MED12: variants seen among roughly 807,000 people sequenced by gnomAD.
The protein encoded by MED12 is mediator complex subunit 12, also known as mediator of RNA polymerase II transcription subunit 12.
A neutral mutation model predicts 177.7 loss-of-function variants in MED12; 10 were observed. The observed-to-expected ratio is 0.06, with a 90% CI of 0.03 to 0.10. The LOEUF (loss-of-function observed/expected upper bound fraction) is 0.10, where lower values mean the gene tolerates loss of function less well. MED12 is among the 10% of genes least tolerant of loss of function. The probability of loss-of-function intolerance (pLI) is 1.00; values close to 1 mark genes in which losing one functional copy is unlikely to be tolerated. For missense variants in MED12, 867 were observed against 1,780.8 expected (o/e 0.49, Z 9.23); for synonymous variants, 641 against 678.4 (o/e 0.94, Z 0.86).
chrX:71,118,972 G>A, intron 1 of MED12, 119 bp downstream of exon 1: 1 of 576,507 alleles, frequency 1.7e-6, no homozygotes, highest in Admixed American at 3.1e-5. Flanking sequence ...TCCCGAAAGG[G>A]GGAAGAGTAA....
At chrX:71,125,800 G>A in intron 17 of MED12, 87 bp downstream of exon 17, 3 of 857,306 alleles carry the variant, frequency 3.5e-6, no homozygotes, top group East Asian at 3.2e-5. Context: ...TTCCTTTAAG[G>A]TCCACATAGT....
Position 71,125,655 on chromosome X carries a change from C to T in MED12, c.2372-8C>T, listed in dbSNP as rs1464348698. On this transcript the variant is annotated splice_polypyrimidine_tract_variant and splice_region_variant and intron_variant, in intron 16 of 44. Transcript: ENST00000374080. ...TGAAACTTCCCCCCTCATTCCCCCC[C>T]TCTACAGACCAGCTTGCTCCTATTG... The T allele has an allele frequency of 8.9e-6, 8 of 898,033 alleles. No homozygotes were observed. Among genetic ancestry groups the T allele is most frequent in the Non-Finnish European group, 1.2e-5 (8 of 655,219 alleles). 74.0% of individuals were successfully genotyped at this position (898,033 alleles called of 1,213,427 possible).
Position 71,118,613 on chromosome X carries a change from G to A in MED12, c.-142G>A, listed in dbSNP as rs2092280808. On this transcript the variant is annotated 5_prime_UTR_variant, in exon 1 of 45. Transcript: ENST00000374080. ...CCCTCGGTAGTTTCCGGCAATGGTCGAGAGTTTCTAACGTGCCCCCTTGTT... is the reference window on the plus strand; with the variant it reads ...CCCTCGGTAGTTTCCGGCAATGGTCAAGAGTTTCTAACGTGCCCCCTTGTT... 1.9e-6 allele frequency: 1 copy of A among 535,616 alleles called. No homozygotes were observed. Among genetic ancestry groups the A allele is most frequent in the South Asian group, 2.5e-5 (1 of 39,402 alleles). 44.1% of individuals were successfully genotyped at this position (535,616 alleles called of 1,213,427 possible).
chrX:71,128,490 G>C, intron 23 of MED12, 50 bp downstream of exon 23: 2 of 1,209,376 alleles, frequency 1.7e-6, no homozygotes, highest in Non-Finnish European at 2.2e-6. Flanking sequence ...CAGGGCAGGG[G>C]GCTGGTTGTG....
rs2147802207 is a variant in MED12, at chrX:71,128,346, C to T, written c.3260C>T (p.Ser1087Leu). The T allele has an allele frequency of 4.1e-6, 5 of 1,211,723 alleles. No homozygotes were observed. The highest frequency in any genetic ancestry group is 4.5e-6 in the Non-Finnish European group (4 of 895,423). Residue 1087 changes from serine to leucine, a missense_variant, in exon 23 of 45, where the codon TCA becomes TTA. Ser to Leu is a moderately radical substitution (Grantham distance 145). Transcript: ENST00000374080. ...GCAGAGCTGACCGGCTATTGCAAGT[C>T]ACTGAGTGCAGAATGGCTAGGAGTG... is the stretch of plus-strand genomic sequence containing the variant. ...LCAELTGYCK[S>L]LSAEWLGVLK...
chrX:71,124,429 A>G (rs1339705683), intron 13 of MED12, 41 bp downstream of exon 13: 3 of 1,052,706 alleles, frequency 2.8e-6, no homozygotes, highest in South Asian at 2.0e-5. Context: ...TTCTTCTGAC[A>G]TTTCCATCTT....
chrX:71,128,834 C>A, intron 24 of MED12, 116 bp downstream of exon 24: 1 of 909,824 alleles, frequency 1.1e-6, no homozygotes, highest in Non-Finnish European at 1.6e-6. Context: ...CCTGGCCTTC[C>A]TCAGAAGGCC....
chrX:71,135,088 G>A lies in MED12; in HGVS notation c.4864-4G>A. 1 of 1,211,367 alleles carries A rather than the reference G, an allele frequency of 8.3e-7. No individual in the cohort carries two copies. The highest frequency in any genetic ancestry group is 1.1e-6 in the Non-Finnish European group (1 of 895,402). On this transcript the variant is annotated splice_polypyrimidine_tract_variant and splice_region_variant and intron_variant, in intron 35 of 44. Transcript: ENST00000374080. ...ACTCTTGTCCCATCTTCCTGTGCCT[G>A]CAGAAGGAGTTGGGGGAGCGCCAGT... is the stretch of plus-strand genomic sequence containing the variant.
In MED12 at chrX:71,134,761, G is replaced by A. The variant is rs1451354253; in HGVS notation, c.4776G>A (p.Gly1592=). ...VLDMLSVLIN[G]TLAADMSSIS... ...ACATGCTGAGCGTGCTCATCAATGG[G>A]ACATTGGCTGCAGACATGTCTAGCA... The change falls in exon 35 of 45, where the codon GGG becomes GGA. Residue 1592 remains glycine (G), a synonymous_variant. Transcript: ENST00000374080. 5.0e-6 allele frequency: 6 copies of A among 1,211,223 alleles called. No homozygotes were observed. The East Asian group carries it at 1.8e-4, about 36-fold the overall frequency.
At chrX:71,129,061 C>A in intron 24 of MED12, 53 bp from the exon 25 acceptor site, 1 of 1,009,943 alleles carries the variant, frequency 9.9e-7, no homozygotes, top group Non-Finnish European at 1.4e-6. Flanking sequence ...CACACATAAA[C>A]CCACATACAG....
In MED12 at chrX:71,121,441, A is replaced by AG. The variant is rs1484431357; in HGVS notation, c.846+6dup. 6.6e-6 allele frequency: 8 copies of AG among 1,208,711 alleles called. No homozygotes were observed. The East Asian group carries it at 2.4e-4, about 36-fold the overall frequency. ...GCTGCTGCCTCTGCTTCTCCGAGTA[A>AG]GGCTTGGAATTTTGGTACTGGTGGG... On this transcript the variant is annotated splice_donor_region_variant and intron_variant, in intron 6 of 44. Transcript: ENST00000374080.
chrX:71,136,806 C>T (rs2147827592), intron 37 of MED12, 73 bp from the exon 38 acceptor site: 1 of 1,196,177 alleles, frequency 8.4e-7, no homozygotes, highest in Non-Finnish European at 1.1e-6. Context: ...CTCCTCTTTA[C>T]CTCATTCTCC....
Position 71,133,215 on chromosome X carries a change from G to A in MED12, c.4617+3G>A, listed in dbSNP as rs748647968. The A allele has an allele frequency of 7.7e-6, 9 of 1,174,899 alleles. No individual in the cohort carries two copies. The highest frequency in any genetic ancestry group is 1.0e-5 in the Non-Finnish European group (9 of 862,021). ...CACTCAAACTGCGGCTCAACCTGGT[G>A]AGAAGGCCAGCTGGGGAGAAGAAGG... is the stretch of plus-strand genomic sequence containing the variant. On this transcript the variant is annotated splice_donor_region_variant and intron_variant, in intron 33 of 44. Coordinates refer to ENST00000374080, the MANE Select transcript of MED12 (RefSeq NM_005120.3).
In MED12 at chrX:71,125,057, C is replaced by T. The variant is rs772484830; in HGVS notation, c.2137C>T (p.Pro713Ser). 4 of 1,210,894 alleles carry T rather than the reference C, an allele frequency of 3.3e-6. No homozygotes were observed. Among genetic ancestry groups the T allele is most frequent in the Admixed American group, 4.4e-5 (2 of 45,925 alleles). Residue 713 changes from proline (P) to serine (S), a missense_variant, in exon 15 of 45, where the codon CCA becomes TCA. Physicochemically the swap from Pro to Ser is moderately conservative, Grantham distance 74. This residue lies in a region of MED12 where 309 missense variants were observed against 556.3 expected (regional missense o/e 0.56). Coordinates refer to ENST00000374080, the MANE Select transcript of MED12 (RefSeq NM_005120.3). ...KPDVEKEVKP[P>S]PKEKIEGTLG... ...AGATGTCGAGAAGGAGGTGAAGCCC[C>T]CACCCAAGGAGAAGATTGAAGGGAC... is the stretch of plus-strand genomic sequence containing the variant.
intron 41 of MED12, among the ~76,000 whole-genome samples, chrX:71,139,217 T>C (rs1200882627): frequency 8.9e-6 from 1 of 111,914 alleles, no homozygotes; most frequent in African/African-American, 3.3e-5. Flanking sequence ...CGTGGTAATA[T>C]CTGTGGGCCT....
intron 7 of MED12, 104 bp from the exon 8 acceptor site, chrX:71,122,096 T>A (rs971842480): frequency 9.5e-7 from 1 of 1,055,838 alleles, no homozygotes; most frequent in African/African-American, 1.8e-5. Flanking sequence ...GGGGACCCAG[T>A]CAGAATAACT....
In MED12 at chrX:71,137,402, G is replaced by A; in HGVS notation, c.5748+19G>A. ...GCTCCAGGCAAAGATAGTGAGAGGG[G>A]CAGTAGGGAGGGCTGTCAGGGAGAG... On this transcript the variant is annotated intron_variant, in intron 39 of 44. Transcript: ENST00000374080. The A allele has an allele frequency of 2.5e-6, 3 of 1,207,435 alleles. 1 individual carries two copies. The Middle Eastern group carries it at 6.9e-4, about 278-fold the overall frequency.
Position 71,120,160 on chromosome X carries a change from C to T in MED12, c.543C>T (p.Asp181=), listed in dbSNP as rs901231883. The T allele has an allele frequency of 7.4e-6, 9 of 1,208,763 alleles. No individual in the cohort carries two copies. The African/African-American group carries it at 1.2e-4, about 17-fold the overall frequency. ...CCAAGGTTAAGAAGAGACATGTTGA[C>T]CCTTTCATGGGTGAGTAACTCCTAA... ...SETKVKKRHV[D]PFMEWTQIIT... The change falls in exon 4 of 45, where the codon GAC becomes GAT. Residue 181 remains aspartate, a synonymous_variant. Transcript: ENST00000374080.
chrX:71,141,227 TAGCAGC>T lies in MED12; in HGVS notation c.6273_6278del (p.Gln2114_Gln2115del), dbSNP rs748394417. 5 of 1,154,271 alleles carry T rather than the reference TAGCAGC, an allele frequency of 4.3e-6. No homozygotes were observed. Among genetic ancestry groups the T allele is most frequent in the South Asian group, 3.8e-5 (2 of 52,245 alleles). ...TTCTGAAGTATCTTTTGTGTTCTTA[TAGCAGC>T]AGCAGCAACAGCAACAGCAGCAGCA... On this transcript the variant is annotated splice_acceptor_variant and coding_sequence_variant, in exon 43 of 45. Transcript: ENST00000374080. LOFTEE classifies it high-confidence loss of function.
Sources: allele counts gnomAD v4.1 joint callset (sites outside exome capture counted in the v4.1 genomes callset), GRCh38; gene constraint gnomAD v4.1.1; regional missense constraint gnomAD v4.1.1; transcripts MANE v1.5; gene names NCBI Gene and HGNC (gene_info 2026-07-23, HGNC 2026-07-21).